SLC35F5: variants seen among roughly 807,000 people sequenced by gnomAD.
The protein encoded by SLC35F5 is solute carrier family 35 member F5, also known as HCV NS5A-transactivated protein 3.
A neutral mutation model predicts 68.6 loss-of-function variants in SLC35F5; 54 were observed. That is an observed-to-expected ratio of 0.79 (90% CI 0.63 to 0.99). The LOEUF (loss-of-function observed/expected upper bound fraction) is 0.99. Among genes scored for constraint, SLC35F5 ranks in the 50% least tolerant of loss-of-function variants. The pLI, the probability that SLC35F5 is intolerant of heterozygous loss-of-function variation, is 0.00. For missense variants in SLC35F5, 567 were observed against 626.9 expected (o/e 0.90, Z 1.02); for synonymous variants, 211 against 205.2 (o/e 1.03, Z -0.24).
intron 7 of SLC35F5, among the ~76,000 whole-genome samples, chr2:113,737,598 A>T (rs1199363516): frequency 6.6e-6 from 1 of 152,326 alleles, no homozygotes; most frequent in Non-Finnish European, 1.5e-5. Context: ...TACTATTTTT[A>T]TACTTAAATA....
chr2:113,754,322 T>C (rs1327585906), intron 3 of SLC35F5, among the ~76,000 whole-genome samples: 1 of 150,210 alleles, frequency 6.7e-6, no homozygotes, highest in African/African-American at 2.5e-5. Flanking sequence ...AAAAAAAAAC[T>C]TATATACTCA....
intron 9 of SLC35F5, 74 bp downstream of exon 9, chr2:113,734,512 C>G (rs1214050786): frequency 1.2e-6 from 1 of 838,378 alleles, no homozygotes; most frequent in Non-Finnish European, 1.9e-6. Flanking sequence ...TACAAACTAC[C>G]CTGGTGCCAC....
intron 7 of SLC35F5, among the ~76,000 whole-genome samples, chr2:113,740,682 G>A (rs918763568): frequency 7.9e-5 from 12 of 151,788 alleles, no homozygotes; most frequent in Non-Finnish European, 1.5e-4. Flanking sequence ...GCTGGAGTAC[G>A]GTGGCGCCGT....
At chr2:113,753,499 A>G (rs1676841105) in intron 3 of SLC35F5, among the ~76,000 whole-genome samples, 1 of 152,072 alleles carries the variant, frequency 6.6e-6, no homozygotes, top group Non-Finnish European at 1.5e-5. Flanking sequence ...TTTAATGAGC[A>G]TAACTGGTTG....
At chr2:113,745,298 C>T (rs1014206518) in intron 5 of SLC35F5, among the ~76,000 whole-genome samples, 7 of 152,072 alleles carry the variant, frequency 4.6e-5, no homozygotes, top group Admixed American at 4.6e-4. Context: ...TATCTATTAA[C>T]CTACTCTGCA....
intron 15 of SLC35F5, among the ~76,000 whole-genome samples, chr2:113,715,738 G>T (rs1384601324): frequency 2.0e-5 from 3 of 151,806 alleles, no homozygotes; most frequent in Non-Finnish European, 4.4e-5. Context: ...TTTTCGTTCA[G>T]TGTTGTTATG....
intron 6 of SLC35F5, among the ~76,000 whole-genome samples, chr2:113,743,216 G>T (rs1484383319): frequency 1.3e-5 from 2 of 152,030 alleles, no homozygotes; most frequent in Non-Finnish European, 2.9e-5. Flanking sequence ...ACTTTATTTG[G>T]ATTTTTCCTC....
At chr2:113,730,477 G>T (rs1008928231) in intron 10 of SLC35F5, among the ~76,000 whole-genome samples, 3 of 152,206 alleles carry the variant, frequency 2.0e-5, no homozygotes, top group African/African-American at 7.2e-5. Flanking sequence ...GCTGCTCTGG[G>T]TGAGAAAGAG....
intron 5 of SLC35F5, among the ~76,000 whole-genome samples, chr2:113,744,645 T>C (rs1407623837): frequency 6.6e-6 from 1 of 152,008 alleles, no homozygotes; most frequent in Non-Finnish European, 1.5e-5. Context: ...CAGCTACTCA[T>C]GAGGTGGAGG....
At chr2:113,725,768 G>A in intron 11 of SLC35F5, 1 of 385,122 alleles carries the variant, frequency 2.6e-6, no homozygotes, top group Non-Finnish European at 4.7e-6. Context: ...CACATTGTAT[G>A]GGAGCAACTA....
intron 15 of SLC35F5, among the ~76,000 whole-genome samples, chr2:113,716,523 A>C (rs528688540): frequency 6.6e-6 from 1 of 152,340 alleles, no homozygotes; most frequent in South Asian, 2.1e-4. Flanking sequence ...ATATGGAGAC[A>C]GGAGGCCTAT....
chr2:113,704,176 C>G (rs545013947), downstream of SLC35F5: 1 of 152,504 alleles, frequency 6.6e-6, no homozygotes, highest in African/African-American at 2.4e-5. Context: ...CGAGTCGCCA[C>G]TGGGGGCTCG....
intron 13 of SLC35F5, among the ~76,000 whole-genome samples, chr2:113,722,300 A>C (rs1019833775): frequency 6.6e-6 from 1 of 152,104 alleles, no homozygotes; most frequent in Non-Finnish European, 1.5e-5. Context: ...TAGGTTTAAA[A>C]TTTTGATTAT....
intron 4 of SLC35F5, among the ~76,000 whole-genome samples, 190 bp from the exon 5 acceptor site, chr2:113,746,529 G>A (rs1439823605): frequency 6.6e-6 from 1 of 152,072 alleles, no homozygotes. Context: ...TCATTTTATT[G>A]ATGAAAAATT....
intron 13 of SLC35F5, among the ~76,000 whole-genome samples, chr2:113,720,784 C>T (rs1421906247): frequency 6.6e-6 from 1 of 151,940 alleles, no homozygotes; most frequent in Admixed American, 6.6e-5. Context: ...AACTAAAAAC[C>T]TTATTTCATA....
rs1687234805 is a variant in SLC35F5, at chr2:113,717,790, C to T, written c.1557G>A (p.Glu519=). ...CAACAGACAGCTAACTAGCTCCATC[C>T]TCCTGAGAAACACTGTGCATAGAAA... The part of the protein sequence containing the change: ...SLISMHSVSQ[E]DGAS Residue 519 remains glutamate, a synonymous_variant, in exon 15 of 16, where the codon GAG becomes GAA. Transcript: ENST00000245680. 6.2e-7 allele frequency: 1 copy of T among 1,613,120 alleles called. No homozygotes were observed. Among genetic ancestry groups the T allele is most frequent in the South Asian group, 1.1e-5 (1 of 90,940 alleles).
chr2:113,740,867 C>T (rs2104458183), intron 7 of SLC35F5, among the ~76,000 whole-genome samples: 1 of 152,260 alleles, frequency 6.6e-6, no homozygotes, highest in East Asian at 1.9e-4. Context: ...CCTCGTGATC[C>T]ACCCACCTCA....
At chr2:113,735,034 C>T (rs970288448) in intron 8 of SLC35F5, among the ~76,000 whole-genome samples, 1 of 152,010 alleles carries the variant, frequency 6.6e-6, no homozygotes, top group African/African-American at 2.4e-5. Flanking sequence ...TTTTGTCTTC[C>T]AGATTTGAAA....
chr2:113,714,496 T>C lies in SLC35F5; in HGVS notation c.*722A>G, dbSNP rs1241340657. 1 of 152,122 alleles carries C rather than the reference T, an allele frequency of 6.6e-6. No homozygotes were observed. The highest frequency in any genetic ancestry group is 1.9e-4 in the East Asian group (1 of 5,198). 9.4% of individuals were successfully genotyped at this position (152,122 alleles called of 1,614,324 possible). On this transcript the variant is annotated 3_prime_UTR_variant, in exon 16 of 16. Transcript: ENST00000245680. ...GCTTTATCAATTAAGTTTACAGCAA[T>C]ATAGCCTTTAGAAATACATATTTCT...
Sources: gnomAD v4.1 joint callset for allele counts (sites outside exome capture counted in the v4.1 genomes callset) on GRCh38, gnomAD v4.1.1 for gene constraint, MANE v1.5 for transcripts, NCBI Gene and HGNC (gene_info 2026-07-23, HGNC 2026-07-21) for gene names.